The following DENND1A variants were observed in gnomAD, a reference collection of about 807,000 sequenced individuals.
DENND1A encodes DENN domain-containing protein 1A.
In DENND1A, 51 loss-of-function variants were observed where a neutral mutation model predicts 113.7. That is an observed-to-expected ratio of 0.45 (90% CI 0.36 to 0.57). The LOEUF (loss-of-function observed/expected upper bound fraction) is 0.57, where lower values mean the gene tolerates loss of function less well. Ranked by LOEUF, DENND1A falls within the 20% of genes least tolerant of loss-of-function variation. The pLI is 0.00. For synonymous variants in DENND1A, 565 were observed against 570.8 expected (o/e 0.99, Z 0.14); for missense variants, 1,258 against 1,395.9 (o/e 0.90, Z 1.57).
At chr9:123,544,447 G>A (rs975354554) in intron 13 of DENND1A, among the ~76,000 whole-genome samples, 2 of 152,176 alleles carry the variant, frequency 1.3e-5, no homozygotes, top group South Asian at 2.1e-4. Context: ...TCCTAAGAGG[G>A]AACCAACTCA....
At chr9:123,526,082 C>T (rs2135196433) in intron 13 of DENND1A, among the ~76,000 whole-genome samples, 1 of 152,184 alleles carries the variant, frequency 6.6e-6, no homozygotes, top group Non-Finnish European at 1.5e-5. Flanking sequence ...TTCAAACCTT[C>T]TCCAGTCTCC....
At chr9:123,782,102 A>G (rs1027182672) in intron 3 of DENND1A, among the ~76,000 whole-genome samples, 1 of 152,092 alleles carries the variant, frequency 6.6e-6, no homozygotes, top group South Asian at 2.1e-4. Context: ...AAAATGTAAT[A>G]TTTTAAGGGG....
chr9:123,775,508 T>G (rs1830333443), intron 3 of DENND1A, among the ~76,000 whole-genome samples: 1 of 151,806 alleles, frequency 6.6e-6, no homozygotes, highest in Non-Finnish European at 1.5e-5. Context: ...CTTAGGAAGA[T>G]ACTATTTTAA....
intron 1 of DENND1A, among the ~76,000 whole-genome samples, chr9:123,927,143 G>C (rs1367505936): frequency 6.6e-6 from 1 of 152,110 alleles, no homozygotes; most frequent in African/African-American, 2.4e-5. Flanking sequence ...GGATTTCCAC[G>C]GTACCTGACA....
chr9:123,617,076 C>T lies in DENND1A; in HGVS notation c.720-7595G>A, dbSNP rs565445534. On this transcript the variant is annotated intron_variant, in intron 10 of 23. Coordinates refer to ENST00000394215, the MANE Select transcript of DENND1A (RefSeq NM_001352964.2). ...CATGGCTCAAAGAGGTTAAGTGACT[C>T]GACAAAGGTCACAGCTGGTGAGAAG... Among the ~76,000 whole-genome samples the T allele has an allele frequency of 2.1e-4, 32 of 152,274 alleles. No homozygotes were observed. In the South Asian group the frequency reaches 6.2e-3, roughly 30 times the overall value.
intron 2 of DENND1A, among the ~76,000 whole-genome samples, chr9:123,873,900 G>A (rs1847038274): frequency 6.6e-6 from 1 of 152,074 alleles, no homozygotes; most frequent in South Asian, 2.1e-4. Flanking sequence ...GCACCACCAT[G>A]CCTGGCTAGT....
chr9:123,407,286 C>T (rs1394676236), intron 20 of DENND1A, among the ~76,000 whole-genome samples: 2 of 152,206 alleles, frequency 1.3e-5, no homozygotes, highest in East Asian at 3.9e-4. Flanking sequence ...GTCACACACA[C>T]CTGACTAGTG....
rs11357350 is a variant in DENND1A at position 123,742,236 on chromosome 9, G to GA, written c.302+15466dup. Among the ~76,000 whole-genome samples the GA allele has an allele frequency of 5.9e-3, 784 of 132,874 alleles. 3 individuals are homozygous for GA. Among genetic ancestry groups the GA allele is most frequent in the African/African-American group, 0.015 (547 of 35,892 alleles). The allele number at this position is 132,874 out of a possible 152,430, so 87.2% of individuals were successfully genotyped here. A position where few individuals can be genotyped will look rare whatever the true frequency, so the allele number is the denominator to read the frequency against. ...GGCGTCCTCTGTTTCCAAAGCATGGGAAAAAAAAAAAAAAGGCTATGCTTA... is the reference window on the plus strand; with the variant it reads ...GGCGTCCTCTGTTTCCAAAGCATGGGAAAAAAAAAAAAAAAGGCTATGCTTA... On this transcript the variant is annotated intron_variant, in intron 5 of 23. Coordinates refer to ENST00000394215, the MANE Select transcript of DENND1A (RefSeq NM_001352964.2).
chr9:123,614,469 A>C (rs1279542442), intron 10 of DENND1A, among the ~76,000 whole-genome samples: 2 of 152,074 alleles, frequency 1.3e-5, no homozygotes, highest in African/African-American at 4.8e-5. Flanking sequence ...TTATTACCGC[A>C]CTTTCACAAT....
intron 8 of DENND1A, chr9:123,652,329 C>A: frequency 4.0e-6 from 2 of 493,834 alleles, no homozygotes; most frequent in Non-Finnish European, 7.3e-6. Flanking sequence ...GAGGAAGGAG[C>A]CTGAGCAATT....
chr9:123,616,691 T>C (rs1184689117), intron 10 of DENND1A, among the ~76,000 whole-genome samples: 1 of 152,200 alleles, frequency 6.6e-6, no homozygotes, highest in African/African-American at 2.4e-5. Context: ...GAAACAAGAC[T>C]GTGAGGTGTT....
rs74898527 is a variant in DENND1A, at chr9:123,575,280, T to C, written c.867+7889A>G. Among the ~76,000 whole-genome samples, 1,003 of 152,298 alleles carry C rather than the reference T, an allele frequency of 6.6e-3. 10 individuals are homozygous for C. Among genetic ancestry groups the C allele is most frequent in the African/African-American group, 0.022 (909 of 41,562 alleles). ...CATACAAAGTTCACAACAGGGTTCA[T>C]GGTCCTTTGAGAATCTAATGCCGCT... On this transcript the variant is annotated intron_variant, in intron 12 of 23. Coordinates refer to ENST00000394215, the MANE Select transcript of DENND1A (RefSeq NM_001352964.2).
At chr9:123,626,899 T>C (rs368456542) in intron 10 of DENND1A, among the ~76,000 whole-genome samples, 2 of 152,212 alleles carry the variant, frequency 1.3e-5, no homozygotes, top group East Asian at 3.9e-4. Context: ...CCAGGTGAAG[T>C]CAATGGCTTT....
At chr9:123,414,378 G>A (rs752281154) in intron 19 of DENND1A, 357 of 1,427,454 alleles carry the variant, frequency 2.5e-4, no homozygotes, top group Non-Finnish European at 3.2e-4. Context: ...GCCTACATTT[G>A]TTTCCAGAGA....
chr9:123,497,381 G>C (rs2052022447), intron 13 of DENND1A, among the ~76,000 whole-genome samples: 1 of 152,214 alleles, frequency 6.6e-6, no homozygotes, highest in African/African-American at 2.4e-5. Context: ...TAGTGGGCAT[G>C]ATCATGAGTT....
Position 123,554,226 on chromosome 9 carries a change from G to A in DENND1A, c.993+3344C>T, listed in dbSNP as rs562183300. Reference sequence around the variant, plus strand: ...TGCAGTCATTATTTTAAACTAATCCGCTCAACATTTTTAAAAGACAGGGTC... The same window carrying A: ...TGCAGTCATTATTTTAAACTAATCCACTCAACATTTTTAAAAGACAGGGTC... On this transcript the variant is annotated intron_variant, in intron 13 of 23. Coordinates refer to ENST00000394215, the MANE Select transcript of DENND1A (RefSeq NM_001352964.2). 7.2e-5 allele frequency among the ~76,000 whole-genome samples: 11 copies of A among 152,068 alleles called. No individual in the cohort carries two copies. In the South Asian group the frequency reaches 2.1e-3, roughly 29 times the overall value.
chr9:123,925,589 T>G (rs997644340), intron 1 of DENND1A, among the ~76,000 whole-genome samples: 7 of 152,224 alleles, frequency 4.6e-5, no homozygotes, highest in South Asian at 2.1e-4. Context: ...TTTGTTCATC[T>G]TTGTGTCCCC....
At chr9:123,482,685 A>C (rs2133752594) in intron 13 of DENND1A, among the ~76,000 whole-genome samples, 1 of 152,364 alleles carries the variant, frequency 6.6e-6, no homozygotes, top group East Asian at 1.9e-4. Context: ...CCCTGGGACA[A>C]TGGCCTTGAA....
chr9:123,517,549 G>A (rs948396802), intron 13 of DENND1A, among the ~76,000 whole-genome samples: 1 of 151,698 alleles, frequency 6.6e-6, no homozygotes, highest in African/African-American at 2.4e-5. Context: ...AACCCAGGAG[G>A]GGGAGGTTGC....
Sources: allele counts gnomAD v4.1 joint callset (sites outside exome capture counted in the v4.1 genomes callset), GRCh38; gene constraint gnomAD v4.1.1; transcripts MANE v1.5; gene names NCBI Gene and HGNC (gene_info 2026-07-23, HGNC 2026-07-21).